The following TRANK1 variants were observed in gnomAD, a reference collection of about 807,000 sequenced individuals.
TRANK1 encodes the protein TPR and ankyrin repeat-containing protein 1.
TRANK1 carries 198 observed loss-of-function variants against 266.0 expected under a neutral mutation model. The ratio of observed to expected loss-of-function variants is 0.74; its 90% CI spans 0.66 to 0.84. TRANK1 has a LOEUF of 0.84. TRANK1 is among the 40% of genes least tolerant of loss of function. TRANK1 has a pLI of 0.00. For missense variants in TRANK1, 3,326 were observed against 3,634.6 expected (o/e 0.92, Z 2.18); for synonymous variants, 1,396 against 1,384.1 (o/e 1.01, Z -0.19).
At chr3:36,828,439 AAGGAAGGAAGGAAGGAAGGAAAGG>A (rs1387188418) in intron 23 of TRANK1, 64 bp from the exon 24 acceptor site, 1 of 855,578 alleles carries the variant, frequency 1.2e-6, no homozygotes, top group Non-Finnish European at 1.8e-6. Flanking sequence ...GGAAGGAAAG[AAGGAAGGAAGGAAGGAAGGAAAGG>A]AGGAAGGGAG....
Position 36,865,980 on chromosome 3 carries a change from G to C in TRANK1, c.1079-1500C>G, listed in dbSNP as rs113914405. On this transcript the variant is annotated intron_variant, in intron 9 of 23. Transcript: ENST00000645898. ...AGACAGAGAGAGACAGAGACAGAGA[G>C]AGAGAGAAAGAAAGAAAGAGAAAGA... Among the ~76,000 whole-genome samples, 5 of 150,456 alleles carry C rather than the reference G, an allele frequency of 3.3e-5. No homozygotes were observed. The South Asian group carries it at 1.0e-3, about 32-fold the overall frequency.
chr3:36,866,619 T>C (rs2079231465), intron 9 of TRANK1, among the ~76,000 whole-genome samples: 1 of 152,220 alleles, frequency 6.6e-6, no homozygotes, highest in Non-Finnish European at 1.5e-5. Flanking sequence ...TGAGCTTTCA[T>C]ATTCTCGCAT....
intron 3 of TRANK1, among the ~76,000 whole-genome samples, chr3:36,901,101 GT>G (rs55801006): frequency 0.032 from 4,365 of 136,918 alleles, 171 homozygotes; most frequent in African/African-American, 0.1. Context: ...ATTCAAGGTT[GT>G]TTTTTTTTTT....
At chr3:36,834,571 A>G in intron 21 of TRANK1, 191 bp downstream of exon 21, 2 of 574,550 alleles carry the variant, frequency 3.5e-6, no homozygotes. Flanking sequence ...CAAAGCTTAT[A>G]AAGAGACTGG....
rs1166378524 is a variant in TRANK1, at chr3:36,855,696, G to C, written c.4026C>G (p.Asn1342Lys). The C allele has an allele frequency of 2.5e-6, 4 of 1,613,746 alleles. No individual in the cohort carries two copies. The Admixed American group carries it at 5.0e-5, about 20-fold the overall frequency. Residue 1342 changes from asparagine (N) to lysine (K), a missense_variant, in exon 13 of 24, where the codon AAC (asparagine) becomes AAG (lysine). Transcript: ENST00000645898. ...TTATTTCTTTCCAAATCAGTGCAGGGTTGTAGGCAGTCCTCCCTTTGGTCA... is the reference window on the plus strand; with the variant it reads ...TTATTTCTTTCCAAATCAGTGCAGGCTTGTAGGCAGTCCTCCCTTTGGTCA... ...PKMTKGRTAY[N>K]PALIWKEIKS...
chr3:36,929,201 G>A lies in TRANK1; in HGVS notation c.23+15586C>T, dbSNP rs1053403546. On this transcript the variant is annotated intron_variant, in intron 1 of 23. Transcript: ENST00000645898. The stretch of plus-strand genomic sequence containing the variant: ...ACTCCATTGCCCAGGTTGGAGAGCA[G>A]TGGCAAGACCTTGGCTCACTGCAAC... 5.4e-5 allele frequency: 8 copies of A among 148,448 alleles called. No homozygotes were observed. The East Asian group carries it at 1.4e-3, about 25-fold the overall frequency. 9.2% of individuals were successfully genotyped at this position (148,448 alleles called of 1,614,324 possible). A position where few individuals can be genotyped will look rare whatever the true frequency, so the allele number is the denominator to read the frequency against.
intron 1 of TRANK1, among the ~76,000 whole-genome samples, chr3:36,927,868 A>C (rs188977052): frequency 6.6e-6 from 1 of 152,328 alleles, no homozygotes; most frequent in East Asian, 1.9e-4. Flanking sequence ...GGAGTTGGGT[A>C]TGTCCATGCT....
In TRANK1 at chr3:36,855,757, G is replaced by A. The variant is rs752511688; in HGVS notation, c.3965C>T (p.Thr1322Met). Residue 1322 changes from threonine to methionine, a missense_variant, in exon 13 of 24, where the codon ACG becomes ATG. Thr to Met is a moderately conservative substitution (Grantham distance 81). Transcript: ENST00000645898. ...TATTTCATTTTTGAACACCTCAAAC[G>A]TCACGTACACCCGGGGGTCACTGTC... is the stretch of plus-strand genomic sequence containing the variant. Reference protein sequence around the residue: ...TGDSDPRVYVTFEVFKNEIWP... With the variant: ...TGDSDPRVYVMFEVFKNEIWP... 1.5e-5 allele frequency: 25 copies of A among 1,613,382 alleles called. No individual in the cohort carries two copies. The highest frequency in any genetic ancestry group is 2.2e-5 in the South Asian group (2 of 91,062).
chr3:36,940,742 G>A (rs1252596535), intron 1 of TRANK1, among the ~76,000 whole-genome samples: 1 of 152,168 alleles, frequency 6.6e-6, no homozygotes, highest in Non-Finnish European at 1.5e-5. Context: ...AATTAGCAGA[G>A]CCTATGTCTT....
At chr3:36,836,112 C>T (rs899818259) in intron 20 of TRANK1, among the ~76,000 whole-genome samples, 1 of 152,206 alleles carries the variant, frequency 6.6e-6, no homozygotes, top group Non-Finnish European at 1.5e-5. Context: ...AATCTGCTGA[C>T]TGTGGTCAAG....
intron 1 of TRANK1, among the ~76,000 whole-genome samples, chr3:36,913,886 T>A (rs894769227): frequency 4.6e-5 from 7 of 151,782 alleles, no homozygotes; most frequent in Admixed American, 3.9e-4. Context: ...ACCTAAGGCA[T>A]TACCAGTGCA....
chr3:36,831,250 C>T lies in TRANK1; in HGVS notation c.8333G>A (p.Arg2778His), dbSNP rs180743259. The stretch of plus-strand genomic sequence containing the variant: ...GGGGCTGAAATAGTTCTCTGGGCCA[C>T]GGGTAAACTTCACTCCACATAGGTC... Reference protein sequence around the residue: ...QCDLCGVKFTRGPENYFSPSK... With the variant: ...QCDLCGVKFTHGPENYFSPSK... The change falls in exon 22 of 24, where the codon CGT becomes CAT. Residue 2778 changes from arginine to histidine, a missense_variant. Arg to His is a conservative substitution (Grantham distance 29). Coordinates refer to ENST00000645898, the MANE Select transcript of TRANK1 (RefSeq NM_001329998.2). The surrounding 1 kb of genome is among the most constrained non-coding windows in gnomAD (Gnocchi z 5.0). The T allele has an allele frequency of 2.2e-4, 348 of 1,613,416 alleles. No homozygotes were observed. The highest frequency in any genetic ancestry group is 2.6e-4 in the Non-Finnish European group (311 of 1,179,880).
intron 2 of TRANK1, among the ~76,000 whole-genome samples, chr3:36,907,308 G>A (rs780245020): frequency 4.6e-5 from 7 of 151,494 alleles, no homozygotes; most frequent in Admixed American, 1.3e-4. Context: ...GCGCCACTAC[G>A]CCCAGCTAAT....
intron 9 of TRANK1, among the ~76,000 whole-genome samples, chr3:36,866,612 G>A (rs1457665199): frequency 6.6e-6 from 1 of 152,182 alleles, no homozygotes; most frequent in Non-Finnish European, 1.5e-5. Context: ...AAGGAAATGA[G>A]CTTTCATATT....
intron 20 of TRANK1, 150 bp from the exon 21 acceptor site, chr3:36,835,057 C>A: frequency 1.3e-6 from 1 of 793,506 alleles, no homozygotes; most frequent in Non-Finnish European, 1.9e-6. Flanking sequence ...TGGTGGCTCA[C>A]GCCTGTAATC....
chr3:36,849,436 CAACAGGTAACAATAA>C (rs2078958823), intron 15 of TRANK1, among the ~76,000 whole-genome samples: 1 of 152,178 alleles, frequency 6.6e-6, no homozygotes, highest in Non-Finnish European at 1.5e-5. Flanking sequence ...CCATGTGGTT[CAACAGGTAACAATAA>C]ACCCTCCAGA....
chr3:36,920,761 T>C (rs1166228721), intron 1 of TRANK1, among the ~76,000 whole-genome samples: 2 of 151,910 alleles, frequency 1.3e-5, no homozygotes, highest in African/African-American at 4.8e-5. Flanking sequence ...TAAAGGAAAA[T>C]AGTGGGGAGC....
chr3:36,879,900 A>T lies in TRANK1; in HGVS notation c.908-5604T>A, dbSNP rs1407007282. Among the ~76,000 whole-genome samples the T allele has an allele frequency of 8.3e-4, 62 of 75,016 alleles. 17 individuals are homozygous for T. Among genetic ancestry groups the T allele is most frequent in the Admixed American group, 4.0e-3 (23 of 5,734 alleles). The allele number at this position is 75,016 out of a possible 152,430, so 49.2% of individuals were successfully genotyped here. A position where few individuals can be genotyped will look rare whatever the true frequency, so the allele number is the denominator to read the frequency against. On this transcript the variant is annotated intron_variant, in intron 8 of 23. Transcript: ENST00000645898. The stretch of plus-strand genomic sequence containing the variant: ...CAAATATATGTAAACATGCAAATAT[A>T]TGTAAACATGCAAATATATGTAAAC...
chr3:36,932,944 G>A (rs997799735), intron 1 of TRANK1, among the ~76,000 whole-genome samples: 15 of 152,140 alleles, frequency 9.9e-5, no homozygotes, highest in Admixed American at 8.5e-4. Flanking sequence ...AATAAAGTGT[G>A]GGATATGATG....
Sources: allele counts gnomAD v4.1 joint callset (sites outside exome capture counted in the v4.1 genomes callset), GRCh38; gene constraint gnomAD v4.1.1; non-coding constraint Gnocchi (gnomAD v3.1); transcripts MANE v1.5; gene names NCBI Gene and HGNC (gene_info 2026-07-23, HGNC 2026-07-21).